MSTO1: variants seen among roughly 807,000 people sequenced by gnomAD.
MSTO1 encodes the protein misato mitochondrial distribution and morphology regulator 1, also known as protein misato homolog 1.
In MSTO1, 24 loss-of-function variants were observed where a neutral mutation model predicts 55.7. The observed-to-expected ratio is 0.43, with a 90% CI of 0.31 to 0.61. The LOEUF is 0.61. Among genes scored for constraint, MSTO1 ranks in the 20% least tolerant of loss-of-function variants. MSTO1 has a pLI of 0.09. For synonymous variants in MSTO1, 162 were observed against 252.8 expected, an observed-to-expected ratio of 0.64 and a Z score of 3.41; for missense variants, 363 against 625.7, an observed-to-expected ratio of 0.58 and a Z score of 4.48.
In MSTO1 at chr1:155,614,737, T is replaced by C. The variant is rs1431218616; in HGVS notation, c.*464T>C. On this transcript the variant is annotated 3_prime_UTR_variant, in exon 14 of 14. Coordinates refer to ENST00000245564, the MANE Select transcript of MSTO1 (RefSeq NM_018116.4). Reference sequence around the variant, plus strand: ...CCCAGAGTCTCATTCATCCAGCTCCTCTTCAGACAGAAGGTCCCCATGGTC... The same window carrying C: ...CCCAGAGTCTCATTCATCCAGCTCCCCTTCAGACAGAAGGTCCCCATGGTC... The C allele has an allele frequency of 1.3e-6, 2 of 1,574,692 alleles. No homozygotes were observed. The highest frequency in any genetic ancestry group is 3.4e-5 in the Admixed American group (2 of 59,498).
At chr1:155,610,154 C>T, upstream of MSTO1, 2 of 1,186,456 alleles carry the variant, frequency 1.7e-6, no homozygotes, top group Non-Finnish European at 2.4e-6. Flanking sequence ...AATAAGTAGC[C>T]GAGAATAACA....
chr1:155,570,234 A>G, the MSTO1 span, among the ~76,000 whole-genome samples: 1 of 152,184 alleles, frequency 6.6e-6, no homozygotes, highest in Admixed American at 6.5e-5. Flanking sequence ...TGTGGAGTCC[A>G]TTTTGCTGAA....
upstream of MSTO1, among the ~76,000 whole-genome samples, chr1:155,608,961 G>A (rs943682926): frequency 2.1e-5 from 3 of 146,258 alleles, no homozygotes; most frequent in Non-Finnish European, 4.5e-5. Flanking sequence ...GCAGCTGGGA[G>A]TACAAGGGCC....
At chr1:155,563,657 T>C in the MSTO1 span, 6,002 of 449,308 alleles carry the variant, frequency 0.013, 315 homozygotes, top group African/African-American at 0.11. Context: ...CCATGTGCTT[T>C]TCATTCAGTT....
chr1:155,607,904 G>T (rs1672964894), upstream of MSTO1, among the ~76,000 whole-genome samples: 1 of 152,212 alleles, frequency 6.6e-6, no homozygotes, highest in Non-Finnish European at 1.5e-5. Flanking sequence ...GGCTGAGGTG[G>T]GAGGATCGCT....
Position 155,614,495 on chromosome 1 carries a change from T to G in MSTO1, c.*222T>G. 1.5e-6 allele frequency: 1 copy of G among 657,160 alleles called. No homozygotes were observed. Among genetic ancestry groups the G allele is most frequent in the South Asian group, 2.0e-5 (1 of 50,980 alleles). 40.7% of individuals were successfully genotyped at this position (657,160 alleles called of 1,614,324 possible). A position where few individuals can be genotyped will look rare whatever the true frequency, so the allele number is the denominator to read the frequency against. ...AGCTGAACTCCACTCTCGATGCTACTTACAGAGGACATCTGTAAAGTCTTC... is the reference window on the plus strand; with the variant it reads ...AGCTGAACTCCACTCTCGATGCTACGTACAGAGGACATCTGTAAAGTCTTC... On this transcript the variant is annotated 3_prime_UTR_variant, in exon 14 of 14. Transcript: ENST00000245564.
the MSTO1 span, among the ~76,000 whole-genome samples, chr1:155,574,362 A>G: frequency 2.6e-5 from 4 of 152,170 alleles, no homozygotes; most frequent in Non-Finnish European, 4.4e-5. Context: ...AGAAAAAGAC[A>G]TAGCAGAAAA....
chr1:155,612,809 T>G lies in MSTO1; in HGVS notation c.967-35T>G, dbSNP rs3863761. The G allele has an allele frequency of 3.1e-6, 5 of 1,611,750 alleles. No individual in the cohort carries two copies. The South Asian group carries it at 4.4e-5, about 14-fold the overall frequency. On this transcript the variant is annotated intron_variant, in intron 9 of 13. Transcript: ENST00000245564. ...GCCTCCACACATTCTTTTCCAGGCCTGAGGCCAAGTGCCCATCTTGGTGTC... is the reference window on the plus strand; with the variant it reads ...GCCTCCACACATTCTTTTCCAGGCCGGAGGCCAAGTGCCCATCTTGGTGTC...
At chr1:155,595,015 GTAA>G in the MSTO1 span, among the ~76,000 whole-genome samples, 13 of 151,724 alleles carry the variant, frequency 8.6e-5, no homozygotes. Context: ...GTGCATGCCT[GTAA>G]TACCAGCTAC....
At chr1:155,591,165 G>A in the MSTO1 span, 2 of 1,613,300 alleles carry the variant, frequency 1.2e-6, no homozygotes, top group South Asian at 1.1e-5. Flanking sequence ...GATGAAAGTG[G>A]TCACTTTCCA....
the MSTO1 span, among the ~76,000 whole-genome samples, chr1:155,594,541 GTCA>G: frequency 6.6e-6 from 1 of 152,046 alleles, no homozygotes; most frequent in African/African-American, 2.4e-5. Flanking sequence ...TTGAATTGAA[GTCA>G]TCACAGTGGC....
In MSTO1 at chr1:155,612,400, C is replaced by G. The variant is rs916632784; in HGVS notation, c.814-18C>G. 2 of 1,604,560 alleles carry G rather than the reference C, an allele frequency of 1.2e-6. No homozygotes were observed. The highest frequency in any genetic ancestry group is 1.7e-6 in the Non-Finnish European group (2 of 1,174,934). ...CAGTGGGAGAGCTGCTTAATACAAA[C>G]TACTCTTTCTTCACCAGGAGGCCCA... On this transcript the variant is annotated intron_variant, in intron 8 of 13. Transcript: ENST00000245564.
the MSTO1 span, among the ~76,000 whole-genome samples, chr1:155,590,058 G>T: frequency 6.6e-6 from 1 of 151,880 alleles, no homozygotes; most frequent in Admixed American, 6.6e-5. Flanking sequence ...TGGGGGCGGG[G>T]GTCTACATAG....
At chr1:155,566,815 A>G in the MSTO1 span, among the ~76,000 whole-genome samples, 3 of 151,420 alleles carry the variant, frequency 2.0e-5, no homozygotes, top group Non-Finnish European at 2.9e-5. Flanking sequence ...GGGTTTCTCC[A>G]TGTTTGTCAG....
chr1:155,585,776 G>C, the MSTO1 span, among the ~76,000 whole-genome samples: 934 of 152,104 alleles, frequency 6.1e-3, 10 homozygotes, highest in African/African-American at 0.022. Context: ...TTAGTTAATA[G>C]CTTATTATCA....
upstream of MSTO1, among the ~76,000 whole-genome samples, chr1:155,606,198 C>CTTTTTTTTTTT (rs747681932): frequency 4.0e-3 from 112 of 28,110 alleles, 3 homozygotes; most frequent in Non-Finnish European, 5.2e-3. Flanking sequence ...CATGCCCAGC[C>CTTTTTTTTTTT]TTTTTTTTTT....
chr1:155,580,863 T>G, the MSTO1 span, among the ~76,000 whole-genome samples: 1 of 144,608 alleles, frequency 6.9e-6, no homozygotes, highest in Non-Finnish European at 1.5e-5. Flanking sequence ...GAGCCAAGAT[T>G]GTGCCACTGC....
chr1:155,567,303 T>C, the MSTO1 span, among the ~76,000 whole-genome samples: 11 of 151,198 alleles, frequency 7.3e-5, no homozygotes, highest in East Asian at 2.1e-3. Flanking sequence ...TGGCTAATTT[T>C]TGTAATTTTT....
chr1:155,579,240 G>A, the MSTO1 span, among the ~76,000 whole-genome samples: 1 of 151,978 alleles, frequency 6.6e-6, no homozygotes, highest in South Asian at 2.1e-4. Flanking sequence ...TTGAACCCGG[G>A]AGGCAGAGGT....
Sources: gnomAD v4.1 joint callset for allele counts (sites outside exome capture counted in the v4.1 genomes callset) on GRCh38, gnomAD v4.1.1 for gene constraint, MANE v1.5 for transcripts, NCBI Gene and HGNC (gene_info 2026-07-23, HGNC 2026-07-21) for gene names.